CHMP1A: variants seen among roughly 807,000 people sequenced by gnomAD.
CHMP1A encodes the protein VPS46 homolog A.
A neutral mutation model predicts 27.0 loss-of-function variants in CHMP1A; 17 were observed. The ratio of observed to expected loss-of-function variants is 0.63; its 90% confidence interval spans 0.43 to 0.95. The LOEUF is 0.95. Ranked by LOEUF, CHMP1A falls within the 40% of genes least tolerant of loss-of-function variation. The pLI is 0.00. For synonymous variants in CHMP1A, 131 were observed against 107.5 expected (o/e 1.22, Z -1.35); for missense variants, 275 against 264.0 (o/e 1.04, Z -0.29).
intron 2 of CHMP1A, among the ~76,000 whole-genome samples, chr16:89,653,074 G>C (rs182829326): frequency 7.4e-6 from 1 of 134,726 alleles, no homozygotes; most frequent in South Asian, 2.3e-4. Flanking sequence ...CTGGAGTGCA[G>C]TGGCACAATC....
intron 3 of CHMP1A, among the ~76,000 whole-genome samples, chr16:89,650,232 G>A (rs1223772898): frequency 2.0e-5 from 3 of 152,120 alleles, no homozygotes; most frequent in Non-Finnish European, 1.5e-5. Context: ...AGGATGGAGT[G>A]CAGCAGTGTG....
At chr16:89,655,067 G>A (rs1288920677) in intron 1 of CHMP1A, among the ~76,000 whole-genome samples, 3 of 152,178 alleles carry the variant, frequency 2.0e-5, no homozygotes, top group East Asian at 1.9e-4. Flanking sequence ...TAGCCACAAC[G>A]AGGAAATGGA....
Position 89,646,613 on chromosome 16 carries a change from C to CTGGCTG in CHMP1A, c.482_483insCAGCCA (p.Val161_Leu162insSerGln). On this transcript the variant is annotated inframe_insertion, in exon 6 of 7. Coordinates refer to ENST00000397901, the MANE Select transcript of CHMP1A (RefSeq NM_002768.5). ...CGGGCAGCTGGCTGAGCTGGTCCAG[C>CTGGCTG]ACCTCCAGGCCATTCTCCTCGGCGA... 1 of 1,606,250 alleles carries CTGGCTG rather than the reference C, an allele frequency of 6.2e-7. No individual in the cohort carries two copies. The highest frequency in any genetic ancestry group is 1.1e-5 in the South Asian group (1 of 89,356).
At chr16:89,647,651 C>CT (rs2059787822) in intron 4 of CHMP1A, among the ~76,000 whole-genome samples, 2 of 52,318 alleles carry the variant, frequency 3.8e-5, no homozygotes, top group African/African-American at 1.1e-4. Context: ...GACGTGGGGA[C>CT]CCAGCGCGGG....
At chr16:89,649,756 T>C (rs975539267) in intron 3 of CHMP1A, among the ~76,000 whole-genome samples, 1 of 152,132 alleles carries the variant, frequency 6.6e-6, no homozygotes, top group African/African-American at 2.4e-5. Flanking sequence ...TTTTGTATTT[T>C]TAGTAGAGAT....
At chr16:89,656,383 G>A (rs552237555) in intron 1 of CHMP1A, among the ~76,000 whole-genome samples, 16 of 149,642 alleles carry the variant, frequency 1.1e-4, no homozygotes, top group Admixed American at 2.0e-4. Context: ...GCGATCCGCC[G>A]GCCTCGGCCT....
chr16:89,657,116 A>C (rs1308609756), intron 1 of CHMP1A, among the ~76,000 whole-genome samples: 2 of 45,958 alleles, frequency 4.4e-5, no homozygotes, highest in Non-Finnish European at 4.2e-5. Flanking sequence ...GGGGTAAAGG[A>C]TCTCGGGTTG....
chr16:89,656,556 C>G (rs1046406069), intron 1 of CHMP1A, among the ~76,000 whole-genome samples: 1 of 152,242 alleles, frequency 6.6e-6, no homozygotes, highest in Non-Finnish European at 1.5e-5. Flanking sequence ...ACACAGCCGG[C>G]TAGCCCCAGA....
chr16:89,653,895 G>A lies in CHMP1A; in HGVS notation c.27+9C>T, dbSNP rs372302998. ...ACAGGGCTGGGGTGAACGGCCATTCGGTACATACCTTCAACTGGAACAGGG... is the reference window on the plus strand; with the variant it reads ...ACAGGGCTGGGGTGAACGGCCATTCAGTACATACCTTCAACTGGAACAGGG... On this transcript the variant is annotated intron_variant, in intron 2 of 6. Transcript: ENST00000397901. 53 of 1,613,158 alleles carry A rather than the reference G, an allele frequency of 3.3e-5. No homozygotes were observed. Among genetic ancestry groups the A allele is most frequent in the Non-Finnish European group, 4.3e-5 (51 of 1,179,450 alleles).
At chr16:89,654,033 C>G in intron 1 of CHMP1A, 110 bp from the exon 2 acceptor site, 1 of 1,154,246 alleles carries the variant, frequency 8.7e-7, no homozygotes, top group Non-Finnish European at 1.3e-6. Flanking sequence ...AGAACACACA[C>G]ACAGACCACA....
At chr16:89,655,469 C>G (rs1260600389) in intron 1 of CHMP1A, among the ~76,000 whole-genome samples, 1 of 150,832 alleles carries the variant, frequency 6.6e-6, no homozygotes, top group African/African-American at 2.4e-5. Context: ...TCAGCTTTCC[C>G]TCACCTCAGC....
intron 5 of CHMP1A, 144 bp from the exon 6 acceptor site, chr16:89,646,858 C>G: frequency 6.4e-6 from 7 of 1,088,486 alleles, no homozygotes; most frequent in Non-Finnish European, 8.0e-6. Flanking sequence ...CTCTCTCTGT[C>G]TCACCTTCCA....
chr16:89,656,900 C>T (rs1444852987), intron 1 of CHMP1A, among the ~76,000 whole-genome samples: 1 of 151,918 alleles, frequency 6.6e-6, no homozygotes, highest in Non-Finnish European at 1.5e-5. Flanking sequence ...GGTCCTGGGT[C>T]GGTGGTCGGG....
intron 1 of CHMP1A, among the ~76,000 whole-genome samples, chr16:89,654,860 G>A (rs182008059): frequency 2.9e-3 from 439 of 151,980 alleles, no homozygotes; most frequent in Non-Finnish European, 4.5e-3. Flanking sequence ...GGAGAATGGC[G>A]TGAACCCGGG....
chr16:89,654,297 G>C (rs1197192322), intron 1 of CHMP1A, among the ~76,000 whole-genome samples: 1 of 152,208 alleles, frequency 6.6e-6, no homozygotes, highest in East Asian at 1.9e-4. Context: ...ATGCAACTTT[G>C]CAAATGTCCC....
At chr16:89,649,202 C>T (rs891120795) in intron 4 of CHMP1A, 149 bp downstream of exon 4, 2 of 703,498 alleles carry the variant, frequency 2.8e-6, no homozygotes, top group African/African-American at 2.9e-5. Context: ...AACCTCCCCA[C>T]CCCACGCTGA....
Position 89,645,784 on chromosome 16 carries a change from G to C in CHMP1A, c.*282C>G, listed in dbSNP as rs968945437. The C allele has an allele frequency of 2.0e-5, 17 of 845,376 alleles. No individual in the cohort carries two copies. Among genetic ancestry groups the C allele is most frequent in the Non-Finnish European group, 2.6e-5 (15 of 576,844 alleles). 52.4% of individuals were successfully genotyped at this position (845,376 alleles called of 1,614,324 possible). The stretch of plus-strand genomic sequence containing the variant: ...TCTGAAGGCCCCCACAGTGCTGGGT[G>C]AAAGTCCACAGGGCCCCTCTTGGCC... On this transcript the variant is annotated 3_prime_UTR_variant, in exon 7 of 7. Coordinates refer to ENST00000397901, the MANE Select transcript of CHMP1A (RefSeq NM_002768.5).
chr16:89,656,294 G>A lies in CHMP1A; in HGVS notation c.7+1288C>T, dbSNP rs912276289. On this transcript the variant is annotated intron_variant, in intron 1 of 6. Coordinates refer to ENST00000397901, the MANE Select transcript of CHMP1A (RefSeq NM_002768.5). Reference sequence around the variant, plus strand: ...TGGGACTACAGGCACCCGCCACCACGCCTGGCTAATATTTTTGTATTTCTA... The same window carrying A: ...TGGGACTACAGGCACCCGCCACCACACCTGGCTAATATTTTTGTATTTCTA... Among the ~76,000 whole-genome samples the A allele has an allele frequency of 2.0e-5, 3 of 152,098 alleles. No homozygotes were observed. The South Asian group carries it at 6.2e-4, about 31-fold the overall frequency.
Position 89,647,157 on chromosome 16 carries a change from C to T in CHMP1A, c.381+46G>A, listed in dbSNP as rs147946418. The T allele has an allele frequency of 1.0e-3, 1,653 of 1,597,276 alleles. 26 individuals carry two copies. The South Asian group carries it at 0.017, about 16-fold the overall frequency. ...CCCCTCCCGATGAGCTGCCCACACA[C>T]GCTCCTTGTCCCCAGGCCACAGCCC... is the stretch of plus-strand genomic sequence containing the variant. On this transcript the variant is annotated intron_variant, in intron 5 of 6. Transcript: ENST00000397901.
Sources: gnomAD v4.1 joint callset for allele counts (sites outside exome capture counted in the v4.1 genomes callset) on GRCh38, gnomAD v4.1.1 for gene constraint, MANE v1.5 for transcripts, NCBI Gene and HGNC (gene_info 2026-07-23, HGNC 2026-07-21) for gene names.